Variants in MRTFB observed in about 807,000 individuals in gnomAD.
MRTFB encodes the protein myocardin-related transcription factor B.
A neutral mutation model predicts 104.2 loss-of-function variants in MRTFB; 29 were observed. The observed-to-expected ratio is 0.28, with a 90% confidence interval of 0.21 to 0.38. The LOEUF is 0.38. Ranked by LOEUF, MRTFB falls within the 10% of genes least tolerant of loss-of-function variation. The pLI, the probability that MRTFB is intolerant of heterozygous loss-of-function variation, is 1.00. For missense variants in MRTFB, 1,270 were observed against 1,341.6 expected, an observed-to-expected ratio of 0.95 and a Z score of 0.83; for synonymous variants, 535 against 519.5, an observed-to-expected ratio of 1.03 and a Z score of -0.41.
At chr16:14,180,244 T>A (rs2039723642) in intron 3 of MRTFB, among the ~76,000 whole-genome samples, 1 of 152,198 alleles carries the variant, frequency 6.6e-6, no homozygotes, top group Non-Finnish European at 1.5e-5. Flanking sequence ...TCTTAGTAAA[T>A]GCACATTGGC....
At chr16:14,159,851 A>G (rs371846280) in intron 3 of MRTFB, among the ~76,000 whole-genome samples, 1,455 of 142,420 alleles carry the variant, frequency 0.01, 25 homozygotes, top group African/African-American at 0.036. Flanking sequence ...AATGGCGTGA[A>G]CCCGGGAGGC....
At chr16:14,141,869 C>T (rs1172819595) in intron 3 of MRTFB, 1 of 148,944 alleles carries the variant, frequency 6.7e-6, no homozygotes, top group African/African-American at 2.5e-5. Context: ...GACAGAGTCT[C>T]ACTCTGTCGC....
chr16:14,174,686 C>G (rs564555351), intron 3 of MRTFB, among the ~76,000 whole-genome samples: 1 of 151,802 alleles, frequency 6.6e-6, no homozygotes, highest in South Asian at 2.1e-4. Flanking sequence ...TTGCTCCCCA[C>G]CCCCCAGAAA....
At chr16:14,162,810 G>C (rs540785124) in intron 3 of MRTFB, among the ~76,000 whole-genome samples, 6 of 152,280 alleles carry the variant, frequency 3.9e-5, no homozygotes, top group African/African-American at 1.4e-4. Context: ...CCAGTTGTGT[G>C]GATGTGATCA....
At chr16:14,063,102 G>T in the MRTFB span, among the ~76,000 whole-genome samples, 2 of 152,192 alleles carry the variant, frequency 1.3e-5, no homozygotes, top group African/African-American at 4.8e-5. Flanking sequence ...CAGATACAAC[G>T]CTGTCTCCTA....
At chr16:14,245,067 A>C (rs1021587252) in intron 10 of MRTFB, among the ~76,000 whole-genome samples, 3 of 152,200 alleles carry the variant, frequency 2.0e-5, no homozygotes, top group Non-Finnish European at 4.4e-5. Context: ...GCATGGCACC[A>C]TTGAAGTCCC....
At chr16:14,210,428 A>T in intron 4 of MRTFB, 120 bp downstream of exon 4, 1 of 705,732 alleles carries the variant, frequency 1.4e-6, no homozygotes, top group Non-Finnish European at 2.3e-6. Flanking sequence ...ACAATTACCA[A>T]ATGAATTTCC....
At chr16:14,017,864 T>C in the MRTFB span, among the ~76,000 whole-genome samples, 1 of 149,882 alleles carries the variant, frequency 6.7e-6, no homozygotes, top group African/African-American at 2.5e-5. Context: ...ACAATAGGCA[T>C]GTGCTACCAT....
In MRTFB at chr16:14,220,252, A is replaced by G. The variant is rs540061372; in HGVS notation, c.693+1254A>G. ...CCCTGGTTTTGAGCTTTAAAAATTC[A>G]GTAAAAAGAATGTCAAGTATGCAAG... On this transcript the variant is annotated intron_variant, in intron 8 of 16. Coordinates refer to ENST00000571589, the MANE Select transcript of MRTFB (RefSeq NM_001308142.2). Among the ~76,000 whole-genome samples the G allele has an allele frequency of 4.7e-4, 72 of 152,364 alleles. 1 individual carries two copies. The highest frequency in any genetic ancestry group is 1.7e-3 in the African/African-American group (70 of 41,582).
At chr16:14,059,260 A>T in the MRTFB span, among the ~76,000 whole-genome samples, 1 of 152,054 alleles carries the variant, frequency 6.6e-6, no homozygotes, top group Non-Finnish European at 1.5e-5. Context: ...GCTTTTTGAA[A>T]ATATACAATA....
chr16:14,231,012 T>A (rs1054271447), intron 8 of MRTFB, among the ~76,000 whole-genome samples: 4 of 151,732 alleles, frequency 2.6e-5, no homozygotes, highest in Non-Finnish European at 5.9e-5. Context: ...AAATCATCAT[T>A]CTCAGTAAAC....
At chr16:14,240,739 C>T in intron 10 of MRTFB, 1 of 782,412 alleles carries the variant, frequency 1.3e-6, no homozygotes, top group South Asian at 1.3e-5. Context: ...ATTATTCATC[C>T]AGATTTGCCT....
intron 2 of MRTFB, among the ~76,000 whole-genome samples, chr16:14,080,873 A>G (rs1444428869): frequency 6.6e-6 from 1 of 152,224 alleles, no homozygotes; most frequent in Non-Finnish European, 1.5e-5. Context: ...TCCGTTGTGT[A>G]TATATACCAC....
At chr16:14,029,419 AATATATAT>A in the MRTFB span, among the ~76,000 whole-genome samples, 1 of 88,896 alleles carries the variant, frequency 1.1e-5, no homozygotes, top group South Asian at 3.9e-4. Flanking sequence ...AAAAAAAAAA[AATATATAT>A]ATATATATAT....
chr16:14,137,423 A>G (rs544933985), intron 2 of MRTFB, among the ~76,000 whole-genome samples: 600 of 152,266 alleles, frequency 3.9e-3, no homozygotes, highest in African/African-American at 0.014. Flanking sequence ...ATTATACTGC[A>G]TGAAAATATT....
At position 14,247,276 on chromosome 16, in the gene MRTFB, T is replaced by G. The variant is rs933009200; in HGVS notation, c.2016T>G (p.Leu672=). 46 of 1,614,046 alleles carry G rather than the reference T, an allele frequency of 2.8e-5. No homozygotes were observed. The highest frequency in any genetic ancestry group is 3.8e-5 in the Non-Finnish European group (45 of 1,180,030). ...CCGTCTCTACAGGTGGCCAGACCCT[T>G]GTTGCCAAAAAGGCTGTAGTTATCA... The part of the protein sequence containing the change: ...GQPVSTGGQT[L]VAKKAVVIKQ... Residue 672 remains leucine, a synonymous_variant, in exon 12 of 17, where the codon CTT becomes CTG. Coordinates refer to ENST00000571589, the MANE Select transcript of MRTFB (RefSeq NM_001308142.2).
In MRTFB at chr16:14,249,047, A is replaced by G. The variant is rs1255467411; in HGVS notation, c.2369A>G (p.Gln790Arg). ...CCTCAGACACAAGACACGTTCCCGC[A>G]GCATGTGCTCAGTCAGCCTCAACAA... is the stretch of plus-strand genomic sequence containing the variant. ...TVPQTQDTFPQHVLSQPQQVR... is the reference protein window; with the variant it reads ...TVPQTQDTFPRHVLSQPQQVR... Residue 790 changes from glutamine to arginine, a missense_variant, in exon 13 of 17, where the codon CAG (glutamine) becomes CGG (arginine). Gln to Arg is a conservative substitution (Grantham distance 43). Around this residue, in one of 3 missense-constraint regions of MRTFB, gnomAD observed 1,144 missense variants for 1,131.5 expected, o/e 1.01. Coordinates refer to ENST00000571589, the MANE Select transcript of MRTFB (RefSeq NM_001308142.2). 1 of 1,614,192 alleles carries G rather than the reference A, an allele frequency of 6.2e-7. No homozygotes were observed. The highest frequency in any genetic ancestry group is 1.7e-5 in the Admixed American group (1 of 60,028).
chr16:14,062,962 C>T, the MRTFB span, among the ~76,000 whole-genome samples: 1 of 152,314 alleles, frequency 6.6e-6, no homozygotes, highest in South Asian at 2.1e-4. Context: ...TCATGGGGTG[C>T]CTCCAGGTGA....
the MRTFB span, among the ~76,000 whole-genome samples, chr16:14,037,990 G>A: frequency 5.3e-5 from 8 of 152,140 alleles, no homozygotes; most frequent in African/African-American, 1.7e-4. Flanking sequence ...AAGTATGTTG[G>A]GTATGTTATG....
Sources: gnomAD v4.1 joint callset for allele counts (sites outside exome capture counted in the v4.1 genomes callset) on GRCh38, gnomAD v4.1.1 for gene constraint, gnomAD v4.1.1 regional missense constraint, MANE v1.5 for transcripts, NCBI Gene and HGNC (gene_info 2026-07-23, HGNC 2026-07-21) for gene names.